The following RABGAP1L variants were observed in gnomAD, a reference collection of about 807,000 sequenced individuals.
RABGAP1L encodes rab GTPase-activating protein 1-like.
Under a neutral mutation model 137.7 loss-of-function variants are expected in RABGAP1L, and 63 were observed. The ratio of observed to expected loss-of-function variants is 0.46; its 90% CI spans 0.37 to 0.56. The LOEUF (loss-of-function observed/expected upper bound fraction) is 0.56, where lower values mean the gene tolerates loss of function less well. Ranked by LOEUF, RABGAP1L falls within the 20% of genes least tolerant of loss-of-function variation. RABGAP1L has a pLI of 0.00. For missense variants in RABGAP1L, 1,095 were observed against 1,244.0 expected, an observed-to-expected ratio of 0.88 and a Z score of 1.80; for synonymous variants, 431 against 433.7, an observed-to-expected ratio of 0.99 and a Z score of 0.08.
intron 1 of RABGAP1L, among the ~76,000 whole-genome samples, chr1:174,183,499 C>T (rs1263418206): frequency 1.3e-5 from 2 of 152,202 alleles, no homozygotes; most frequent in Non-Finnish European, 2.9e-5. Flanking sequence ...GCAGAAAGTA[C>T]AGACAGTTCC....
chr1:174,487,170 T>G (rs1659752867), intron 13 of RABGAP1L, among the ~76,000 whole-genome samples: 1 of 152,174 alleles, frequency 6.6e-6, no homozygotes, highest in Non-Finnish European at 1.5e-5. Context: ...AACTGATGTT[T>G]CCTTGTTGAT....
intron 13 of RABGAP1L, among the ~76,000 whole-genome samples, chr1:174,452,762 G>C (rs1481829462): frequency 6.6e-6 from 1 of 151,806 alleles, no homozygotes; most frequent in African/African-American, 2.4e-5. Context: ...GGGGTTTCGC[G>C]GCGTTAGTCA....
intron 4 of RABGAP1L, among the ~76,000 whole-genome samples, chr1:174,239,580 G>A (rs959324669): frequency 6.7e-6 from 1 of 149,328 alleles, no homozygotes; most frequent in African/African-American, 2.5e-5. Flanking sequence ...TTTTTCCTTC[G>A]TAGCACTTTT....
chr1:174,441,346 A>G (rs1437559299), intron 13 of RABGAP1L, among the ~76,000 whole-genome samples: 1 of 152,200 alleles, frequency 6.6e-6, no homozygotes, highest in African/African-American at 2.4e-5. Flanking sequence ...GTAAATATAT[A>G]TTAGTACTCT....
At position 174,673,194 on chromosome 1, in the gene RABGAP1L, G is replaced by A. The variant is rs185613646; in HGVS notation, c.1825-10328G>A. On this transcript the variant is annotated intron_variant, in intron 14 of 25. Coordinates refer to ENST00000681986, the MANE Select transcript of RABGAP1L (RefSeq NM_001366446.1). ...ATATAAATTAAATAAAATTAAATAA[G>A]TAAAAGGATACTAATTGATCTTTCA... Among the ~76,000 whole-genome samples the A allele has an allele frequency of 5.0e-3, 757 of 152,074 alleles. 5 individuals are homozygous for A. The highest frequency in any genetic ancestry group is 7.4e-3 in the Non-Finnish European group (501 of 67,974).
intron 1 of RABGAP1L, among the ~76,000 whole-genome samples, chr1:174,172,389 T>C (rs1343926460): frequency 6.6e-6 from 1 of 152,228 alleles, no homozygotes; most frequent in Non-Finnish European, 1.5e-5. Context: ...TGCTGGATCA[T>C]AGGCAGTTCT....
At chr1:174,349,364 C>A (rs1171522833) in intron 11 of RABGAP1L, among the ~76,000 whole-genome samples, 3 of 134,394 alleles carry the variant, frequency 2.2e-5, no homozygotes, top group Non-Finnish European at 4.9e-5. Flanking sequence ...GGGGCTGACC[C>A]CCCCCACCTC....
chr1:174,908,774 C>A (rs1659547719), intron 19 of RABGAP1L, among the ~76,000 whole-genome samples: 1 of 150,742 alleles, frequency 6.6e-6, no homozygotes, highest in South Asian at 2.1e-4. Flanking sequence ...AACTCCCGAA[C>A]CTCAGGTGAT....
chr1:174,909,101 C>G (rs1274446051), intron 19 of RABGAP1L, among the ~76,000 whole-genome samples: 1 of 150,888 alleles, frequency 6.6e-6, no homozygotes, highest in African/African-American at 2.4e-5. Flanking sequence ...ATCTCTTAAA[C>G]CCAGGAAGCA....
At chr1:174,636,371 C>G (rs58724603) in intron 13 of RABGAP1L, among the ~76,000 whole-genome samples, 2 of 151,448 alleles carry the variant, frequency 1.3e-5, no homozygotes, top group East Asian at 1.9e-4. Flanking sequence ...TACACACACA[C>G]AAAAAAAATA....
At chr1:174,689,579 G>C (rs1336637985) in intron 15 of RABGAP1L, among the ~76,000 whole-genome samples, 1 of 152,056 alleles carries the variant, frequency 6.6e-6, no homozygotes, top group African/African-American at 2.4e-5. Context: ...CTGTTGGCTG[G>C]CCTGGATTCA....
chr1:174,626,867 T>C (rs1672974523), intron 13 of RABGAP1L, among the ~76,000 whole-genome samples: 1 of 152,226 alleles, frequency 6.6e-6, no homozygotes, highest in Admixed American at 6.5e-5. Flanking sequence ...TTCAGGAACA[T>C]GTTAGCAGAC....
In RABGAP1L at chr1:174,612,892, C is replaced by T. The variant is rs924758012; in HGVS notation, c.1711-24483C>T. ...ATGGTAGTTTGTATTTCTGTGGGATCGGTGGTGATATCCCCTTTATCATTT... is the reference window on the plus strand; with the variant it reads ...ATGGTAGTTTGTATTTCTGTGGGATTGGTGGTGATATCCCCTTTATCATTT... On this transcript the variant is annotated intron_variant, in intron 13 of 25. Transcript: ENST00000681986. 6.5e-4 allele frequency among the ~76,000 whole-genome samples: 99 copies of T among 151,796 alleles called. 1 individual carries two copies. Among genetic ancestry groups the T allele is most frequent in the Admixed American group, 2.6e-3 (39 of 15,268 alleles).
At chr1:174,558,368 A>G (rs1413031591) in intron 13 of RABGAP1L, among the ~76,000 whole-genome samples, 8 of 152,258 alleles carry the variant, frequency 5.3e-5, no homozygotes, top group Admixed American at 3.9e-4. Flanking sequence ...GTAAGTTATA[A>G]TTGCCATTGA....
At chr1:174,545,029 C>T (rs1665877929) in intron 13 of RABGAP1L, 1 of 152,762 alleles carries the variant, frequency 6.5e-6, no homozygotes, top group African/African-American at 2.4e-5. Context: ...GGAGGTGTCT[C>T]CCAATTAGAC....
At chr1:174,752,272 C>T (rs142154531) in intron 17 of RABGAP1L, 41 bp from the exon 18 acceptor site, 37,807 of 1,392,620 alleles carry the variant, frequency 0.027, 666 homozygotes, top group Middle Eastern at 0.057. Context: ...AATAGTGATA[C>T]ATGTGGCAGT....
At chr1:174,977,571 AC>A (rs1670750619) in intron 22 of RABGAP1L, among the ~76,000 whole-genome samples, 1 of 152,106 alleles carries the variant, frequency 6.6e-6, no homozygotes, top group Non-Finnish European at 1.5e-5. Context: ...GATGCTTTGC[AC>A]CCTTCCTCCC....
chr1:174,285,761 C>G (rs1167914062), intron 10 of RABGAP1L, among the ~76,000 whole-genome samples: 1 of 152,050 alleles, frequency 6.6e-6, no homozygotes, highest in Non-Finnish European at 1.5e-5. Context: ...TTTTGGGGTA[C>G]ATTCCTTCTA....
rs755993037 is a variant in RABGAP1L, at chr1:174,991,463, A to T, written c.*1462A>T. On this transcript the variant is annotated 3_prime_UTR_variant, in exon 26 of 26. Coordinates refer to ENST00000681986, the MANE Select transcript of RABGAP1L (RefSeq NM_001366446.1). ...AAAGTAACACACCCTTAGAAGAATC[A>T]AATAAGAGCCATCTACATCCCAGGA... is the stretch of plus-strand genomic sequence containing the variant. 2.0e-4 allele frequency: 30 copies of T among 152,240 alleles called. No individual in the cohort carries two copies. Among genetic ancestry groups the T allele is most frequent in the Non-Finnish European group, 3.5e-4 (24 of 68,054 alleles). 9.4% of individuals were successfully genotyped at this position (152,240 alleles called of 1,614,324 possible).
Sources: gnomAD v4.1 joint callset for allele counts (sites outside exome capture counted in the v4.1 genomes callset) on GRCh38, gnomAD v4.1.1 for gene constraint, MANE v1.5 for transcripts, NCBI Gene and HGNC (gene_info 2026-07-23, HGNC 2026-07-21) for gene names.